The following CFAP251 variants were observed in gnomAD, a reference collection of about 807,000 sequenced individuals.
CFAP251 encodes the protein cilia- and flagella-associated protein 251.
A neutral mutation model predicts 126.7 loss-of-function variants in CFAP251; 93 were observed. The observed-to-expected ratio is 0.73, with a 90% confidence interval of 0.62 to 0.87. The LOEUF (loss-of-function observed/expected upper bound fraction) is 0.87. Among genes scored for constraint, CFAP251 ranks in the 40% least tolerant of loss-of-function variants. The pLI is 0.00. For synonymous variants in CFAP251, 503 were observed against 506.9 expected (o/e 0.99, Z 0.10); for missense variants, 1,287 against 1,389.2 (o/e 0.93, Z 1.17).
chr12:121,920,068 C>T (rs977205887), intron 1 of CFAP251, among the ~76,000 whole-genome samples: 2 of 151,654 alleles, frequency 1.3e-5, no homozygotes, highest in Non-Finnish European at 2.9e-5. Context: ...CCTGTAATCC[C>T]AGCTGCTCGG....
intron 17 of CFAP251, among the ~76,000 whole-genome samples, chr12:121,972,278 T>C (rs1188327423): frequency 6.6e-6 from 1 of 152,142 alleles, no homozygotes; most frequent in Non-Finnish European, 1.5e-5. Flanking sequence ...TAGAGACTTG[T>C]TGAATGGCTT....
chr12:121,932,361 A>G (rs530396446), intron 4 of CFAP251: 1 of 152,346 alleles, frequency 6.6e-6, no homozygotes, highest in Non-Finnish European at 1.5e-5. Context: ...CCAAGACTGT[A>G]CTAGTAAACA....
intron 19 of CFAP251, among the ~76,000 whole-genome samples, chr12:121,987,708 T>C (rs1246962903): frequency 1.5e-5 from 2 of 131,518 alleles, no homozygotes; most frequent in Non-Finnish European, 3.2e-5. Flanking sequence ...AAAGCGAGAC[T>C]CCGTCTCAAA....
chr12:121,934,320 C>G lies in CFAP251; in HGVS notation c.962C>G (p.Pro321Arg). Residue 321 changes from proline to arginine, a missense_variant, in exon 5 of 22, where the codon CCA becomes CGA. Pro to Arg is a moderately radical substitution (Grantham distance 103, BLOSUM62 -2). Coordinates refer to ENST00000288912, the MANE Select transcript of CFAP251 (RefSeq NM_144668.6). ...TGGATCGCCACAGCAGACAAAGGGC[C>G]AGACTGCCTGGTGATTATATGGGAC... ...RRWIATADKG[P>R]DCLVIIWDSF... is the part of the protein sequence containing the mutation. 6.2e-7 allele frequency: 1 copy of G among 1,614,080 alleles called. No individual in the cohort carries two copies. Among genetic ancestry groups the G allele is most frequent in the South Asian group, 1.1e-5 (1 of 91,058 alleles).
intron 21 of CFAP251, 141 bp downstream of exon 21, chr12:122,001,739 C>A: frequency 1.4e-6 from 1 of 696,892 alleles, no homozygotes; most frequent in Non-Finnish European, 2.6e-6. Context: ...GGGAATCCCA[C>A]ATGAATAAGT....
intron 15 of CFAP251, among the ~76,000 whole-genome samples, chr12:121,962,572 C>G (rs183235721): frequency 1.4e-4 from 21 of 152,068 alleles, no homozygotes; most frequent in African/African-American, 5.1e-4. Flanking sequence ...GTTTTAGGTG[C>G]TGAAGATGAT....
At chr12:121,951,555 T>C (rs763331013) in intron 9 of CFAP251, 25 bp downstream of exon 9, 2 of 1,558,108 alleles carry the variant, frequency 1.3e-6, no homozygotes, top group Non-Finnish European at 8.8e-7. Context: ...TGCATTTTTG[T>C]CCATCAGATT....
intron 15 of CFAP251, among the ~76,000 whole-genome samples, chr12:121,963,021 G>A (rs1881997490): frequency 6.6e-6 from 1 of 152,170 alleles, no homozygotes; most frequent in African/African-American, 2.4e-5. Flanking sequence ...GTTCCTTCCC[G>A]GGTAAGGCGA....
intron 7 of CFAP251, among the ~76,000 whole-genome samples, chr12:121,944,994 G>A (rs552997124): frequency 1.3e-5 from 2 of 152,144 alleles, no homozygotes. Flanking sequence ...TGTTGGTCAG[G>A]CTGGTCTCCA....
In CFAP251 at chr12:122,003,692, C is replaced by A. The variant is rs1334786039; in HGVS notation, c.3378C>A (p.Ile1126=). 1 of 1,610,614 alleles carries A rather than the reference C, an allele frequency of 6.2e-7. No individual in the cohort carries two copies. The highest frequency in any genetic ancestry group is 8.5e-7 in the Non-Finnish European group (1 of 1,179,072). Residue 1126 remains isoleucine (I), a synonymous_variant, in exon 22 of 22, where the codon ATC becomes ATA. Coordinates refer to ENST00000288912, the MANE Select transcript of CFAP251 (RefSeq NM_144668.6). ...TTGAAGAAGAACTTCCAGACGAAAT[C>A]ACTGCAGAAATATTCGCGACTGAAA... ...ICLEEELPDE[I]TAEIFATEIL...
intron 19 of CFAP251, among the ~76,000 whole-genome samples, chr12:121,983,752 A>C (rs1339405427): frequency 1.3e-5 from 2 of 151,918 alleles, no homozygotes; most frequent in Non-Finnish European, 2.9e-5. Context: ...AAAAAAAAAA[A>C]ACGTTTCCTC....
chr12:121,961,232 T>C (rs912608675), intron 14 of CFAP251, among the ~76,000 whole-genome samples: 2 of 151,904 alleles, frequency 1.3e-5, no homozygotes, highest in African/African-American at 4.8e-5. Flanking sequence ...CTGTCTGTTT[T>C]TCCTTCCTCC....
At position 121,918,709 on chromosome 12, in the gene CFAP251, G is replaced by C. The variant is rs1880017804; in HGVS notation, c.-21+14G>C. 6.6e-6 allele frequency: 1 copy of C among 152,534 alleles called. No homozygotes were observed. The highest frequency in any genetic ancestry group is 1.5e-5 in the Non-Finnish European group (1 of 68,298). 9.4% of individuals were successfully genotyped at this position (152,534 alleles called of 1,614,324 possible). On this transcript the variant is annotated intron_variant, in intron 1 of 21. Transcript: ENST00000288912. This position sits in a 1 kb window ranked among gnomAD's most constrained non-coding sequence, Gnocchi z 4.3. Reference sequence around the variant, plus strand: ...TTGAAGACCGGGGTGGGTGCTCTCTGTAAGTCCGGGGCGGAGGCCACGCGG... The same window carrying C: ...TTGAAGACCGGGGTGGGTGCTCTCTCTAAGTCCGGGGCGGAGGCCACGCGG...
intron 3 of CFAP251, among the ~76,000 whole-genome samples, chr12:121,926,664 G>A (rs1565901917): frequency 6.6e-6 from 1 of 152,118 alleles, no homozygotes; most frequent in African/African-American, 2.4e-5. Flanking sequence ...TTCAGTGTTG[G>A]CCGGGCGCGG....
At chr12:121,967,571 G>A (rs971599932) in intron 16 of CFAP251, among the ~76,000 whole-genome samples, 2 of 152,106 alleles carry the variant, frequency 1.3e-5, no homozygotes, top group African/African-American at 2.4e-5. Flanking sequence ...GCGTGGTGGT[G>A]GGCGCCTGTA....
rs77540055 is a variant in CFAP251, at chr12:121,934,277, G to A, written c.919G>A (p.Val307Ile). 73,996 of 1,612,296 alleles carry A rather than the reference G, an allele frequency of 0.046. 2,057 individuals carry two copies. Among genetic ancestry groups the A allele is most frequent in the South Asian group, 0.052 (4,711 of 91,036 alleles). Residue 307 changes from valine to isoleucine, a missense_variant, in exon 5 of 22, where the codon GTC (valine) becomes ATC (isoleucine). Transcript: ENST00000288912. ...CGCCAATATTATCTCCTGCCTCTGC[G>A]TCAGTGAAGACAGGCGGTGGATCGC... ...GHANIISCLC[V>I]SEDRRWIATA...
chr12:121,958,603 C>G, intron 12 of CFAP251, 81 bp downstream of exon 12: 1 of 1,578,170 alleles, frequency 6.3e-7, no homozygotes, highest in Non-Finnish European at 8.6e-7. Context: ...TGGCATAGCT[C>G]CAGGAAGTCT....
intron 12 of CFAP251, 123 bp from the exon 13 acceptor site, chr12:121,958,820 C>T (rs138988299): frequency 1.9e-5 from 23 of 1,239,306 alleles, no homozygotes; most frequent in African/African-American, 3.0e-5. Context: ...TTCATTTCTC[C>T]GCACGGGAGC....
intron 7 of CFAP251, among the ~76,000 whole-genome samples, chr12:121,947,210 T>C (rs1349906035): frequency 6.6e-6 from 1 of 152,202 alleles, no homozygotes; most frequent in East Asian, 1.9e-4. Flanking sequence ...TGACTAGTTC[T>C]TTCTTTGGCT....
Sources: gnomAD v4.1 joint callset for allele counts (sites outside exome capture counted in the v4.1 genomes callset) on GRCh38, gnomAD v4.1.1 for gene constraint, Gnocchi (gnomAD v3.1) non-coding constraint, MANE v1.5 for transcripts, NCBI Gene and HGNC (gene_info 2026-07-23, HGNC 2026-07-21) for gene names.